Variants in CSMD1 observed in about 807,000 individuals in gnomAD.
CSMD1 encodes CUB and sushi domain-containing protein 1.
CSMD1 carries 213 observed loss-of-function variants against 417.5 expected under a neutral mutation model. That is an observed-to-expected ratio of 0.51 (90% CI 0.46 to 0.57). The LOEUF is 0.57. CSMD1 is among the 20% of genes least tolerant of loss of function. CSMD1 has a pLI of 0.00. For synonymous variants in CSMD1, 2,862 were observed against 1,736.8 expected (o/e 1.65, Z -16.11); for missense variants, 6,923 against 4,529.7 (o/e 1.53, Z -15.17).
chr8:3,679,522 C>G (rs189595397), intron 7 of CSMD1, among the ~76,000 whole-genome samples: 7 of 152,252 alleles, frequency 4.6e-5, no homozygotes, highest in African/African-American at 7.2e-5. Context: ...CAGGAGCACC[C>G]AGATTCATAA....
chr8:3,956,903 G>T (rs775780048), intron 5 of CSMD1, among the ~76,000 whole-genome samples: 5 of 152,116 alleles, frequency 3.3e-5, no homozygotes, highest in Non-Finnish European at 5.9e-5. Flanking sequence ...TCTCTGCATT[G>T]TTGCAAACAC....
intron 1 of CSMD1, among the ~76,000 whole-genome samples, chr8:4,872,816 T>A (rs575277860): frequency 1.3e-5 from 2 of 152,260 alleles, no homozygotes; most frequent in South Asian, 4.1e-4. Flanking sequence ...TTACTGTTTT[T>A]GCCCTTTATG....
At chr8:3,167,103 G>C (rs754957460) in intron 37 of CSMD1, among the ~76,000 whole-genome samples, 25 of 152,066 alleles carry the variant, frequency 1.6e-4, no homozygotes, top group Non-Finnish European at 3.1e-4. Flanking sequence ...TGGTCAACAT[G>C]GTGAAACCCC....
chr8:3,290,939 C>T (rs1004820972), intron 25 of CSMD1, among the ~76,000 whole-genome samples: 1 of 152,142 alleles, frequency 6.6e-6, no homozygotes, highest in South Asian at 2.1e-4. Flanking sequence ...TTTTCCCATT[C>T]AGTATGATAT....
chr8:4,935,643 C>G (rs6991258), intron 1 of CSMD1, among the ~76,000 whole-genome samples: 140,700 of 152,260 alleles, frequency 0.92, 65,825 homozygotes, highest in East Asian at 1. Context: ...CACTCTCTCT[C>G]GATGATATCA....
intron 3 of CSMD1, among the ~76,000 whole-genome samples, chr8:4,121,181 C>T (rs1257973312): frequency 6.6e-6 from 1 of 152,102 alleles, no homozygotes; most frequent in African/African-American, 2.4e-5. Context: ...ATGGCACGAT[C>T]TTAGCTCACA....
At chr8:4,641,900 C>T (rs916571953) in intron 1 of CSMD1, among the ~76,000 whole-genome samples, 1 of 152,174 alleles carries the variant, frequency 6.6e-6, no homozygotes, top group Non-Finnish European at 1.5e-5. Context: ...AAACATCACT[C>T]ATAGTCTTAT....
intron 6 of CSMD1, among the ~76,000 whole-genome samples, chr8:3,741,735 G>A (rs1444017029): frequency 6.6e-6 from 1 of 152,132 alleles, no homozygotes; most frequent in South Asian, 2.1e-4. Context: ...TACTGAGAAA[G>A]AAGAAAATAC....
At chr8:4,398,851 G>C (rs1320890042) in intron 3 of CSMD1, among the ~76,000 whole-genome samples, 1 of 152,008 alleles carries the variant, frequency 6.6e-6, no homozygotes, top group Non-Finnish European at 1.5e-5. Flanking sequence ...ATGTCTAATT[G>C]AAACTTTTAA....
At chr8:4,691,978 C>G (rs1288156870) in intron 1 of CSMD1, among the ~76,000 whole-genome samples, 5 of 152,202 alleles carry the variant, frequency 3.3e-5, no homozygotes, top group Admixed American at 3.3e-4. Context: ...ATGAGCTCTC[C>G]TCTGTCTCAA....
chr8:3,833,736 A>C (rs1802502527), intron 5 of CSMD1, among the ~76,000 whole-genome samples: 1 of 152,116 alleles, frequency 6.6e-6, no homozygotes, highest in Admixed American at 6.6e-5. Context: ...GTTGGCACTT[A>C]CATGGATAAT....
chr8:4,266,230 A>C (rs111888378), intron 3 of CSMD1, among the ~76,000 whole-genome samples: 2,347 of 105,258 alleles, frequency 0.022, 390 homozygotes, highest in African/African-American at 0.058. Flanking sequence ...GAATGGTAAC[A>C]CATTTCCATA....
intron 1 of CSMD1, among the ~76,000 whole-genome samples, chr8:4,790,228 A>T (rs1287732797): frequency 6.6e-6 from 1 of 152,196 alleles, no homozygotes. Context: ...CAACACATTC[A>T]AAATAGCCAT....
intron 3 of CSMD1, among the ~76,000 whole-genome samples, chr8:4,200,583 C>A (rs62501361): frequency 0.093 from 14,145 of 152,080 alleles, 985 homozygotes; most frequent in African/African-American, 0.19. Context: ...CTTGGCGGGC[C>A]TGGAGGCTCA....
At chr8:4,810,029 G>C (rs1585136425) in intron 1 of CSMD1, among the ~76,000 whole-genome samples, 1 of 152,148 alleles carries the variant, frequency 6.6e-6, no homozygotes, top group South Asian at 2.1e-4. Context: ...TAGAATGAGG[G>C]TTAGCTCAAT....
At chr8:4,440,200 G>C (rs1020370729) in intron 2 of CSMD1, among the ~76,000 whole-genome samples, 2 of 152,082 alleles carry the variant, frequency 1.3e-5, no homozygotes, top group African/African-American at 4.8e-5. Context: ...TTTTGATCCA[G>C]CAACCTTTTG....
At chr8:3,219,471 A>G (rs1563154725) in intron 28 of CSMD1, 29 bp from the exon 29 acceptor site, 2 of 1,385,076 alleles carry the variant, frequency 1.4e-6, no homozygotes, top group Non-Finnish European at 1.9e-6. Flanking sequence ...ATTATGTCAT[A>G]CGGCTAACAG....
intron 4 of CSMD1, among the ~76,000 whole-genome samples, chr8:3,999,396 T>G (rs1028827516): frequency 6.6e-6 from 1 of 152,190 alleles, no homozygotes. Context: ...TGACCTCCTT[T>G]TATTAACTCT....
intron 3 of CSMD1, among the ~76,000 whole-genome samples, chr8:4,406,110 C>G (rs117296870): frequency 2.6e-5 from 4 of 152,120 alleles, no homozygotes; most frequent in African/African-American, 9.7e-5. Flanking sequence ...CATTTCACAG[C>G]GGAACCAAAC....
Sources: allele counts gnomAD v4.1 joint callset (sites outside exome capture counted in the v4.1 genomes callset), GRCh38; gene constraint gnomAD v4.1.1; transcripts MANE v1.5; gene names NCBI Gene and HGNC (gene_info 2026-07-23, HGNC 2026-07-21).